ROBO2: variants seen among roughly 807,000 people sequenced by gnomAD.
ROBO2 encodes roundabout guidance receptor 2, also known as roundabout homolog 2.
Under a neutral mutation model 160.8 loss-of-function variants are expected in ROBO2, and 53 were observed. The ratio of observed to expected loss-of-function variants is 0.33; its 90% CI spans 0.26 to 0.41. ROBO2 has a LOEUF of 0.41. Among genes scored for constraint, ROBO2 ranks in the 10% least tolerant of loss-of-function variants. The pLI is 1.00. For missense variants in ROBO2, 1,577 were observed against 1,722.4 expected, an observed-to-expected ratio of 0.92 and a Z score of 1.49; for synonymous variants, 664 against 611.7, an observed-to-expected ratio of 1.09 and a Z score of -1.26.
chr3:77,302,883 C>A (rs2062782787), intron 2 of ROBO2, among the ~76,000 whole-genome samples: 1 of 152,076 alleles, frequency 6.6e-6, no homozygotes, highest in Admixed American at 6.6e-5. Context: ...GTCTCAGATG[C>A]CTTTAAATCC....
intron 1 of ROBO2, among the ~76,000 whole-genome samples, chr3:77,080,814 A>T (rs1163252171): frequency 1.3e-5 from 2 of 152,208 alleles, no homozygotes; most frequent in Non-Finnish European, 2.9e-5. Context: ...CTTCATAAAT[A>T]TATAGTTATT....
intron 2 of ROBO2, among the ~76,000 whole-genome samples, chr3:76,641,129 A>G (rs1211851842): frequency 6.6e-6 from 1 of 152,214 alleles, no homozygotes; most frequent in Middle Eastern, 3.2e-3. Flanking sequence ...ATACTAATCA[A>G]TGATAAAATC....
At chr3:76,478,471 G>A (rs996098487) in intron 2 of ROBO2, among the ~76,000 whole-genome samples, 1 of 151,662 alleles carries the variant, frequency 6.6e-6, no homozygotes, top group Non-Finnish European at 1.5e-5. Flanking sequence ...GGGAAAACTG[G>A]CTAGCCATAC....
chr3:76,504,979 T>C (rs922995769), intron 2 of ROBO2, among the ~76,000 whole-genome samples: 1 of 152,190 alleles, frequency 6.6e-6, no homozygotes, highest in Admixed American at 6.5e-5. Flanking sequence ...ACATTTATTA[T>C]GTTTGCTGTT....
chr3:76,024,640 AT>A lies in ROBO2; in HGVS notation c.109+87042del, dbSNP rs1559843605. ...AACAAATAAAAATTACATAGATTCT[AT>A]TTTCTTTGCAGTTTAAAAATGAATT... On this transcript the variant is annotated intron_variant, in intron 2 of 26. Transcript: ENST00000487694. Among the ~76,000 whole-genome samples the A allele has an allele frequency of 4.6e-5, 7 of 151,582 alleles. No individual in the cohort carries two copies. In the South Asian group the frequency reaches 1.4e-3, roughly 31 times the overall value.
chr3:77,205,016 T>A (rs1320647151), intron 2 of ROBO2, among the ~76,000 whole-genome samples: 2 of 152,140 alleles, frequency 1.3e-5, no homozygotes, highest in Non-Finnish European at 2.9e-5. Context: ...GCGGGGCAAG[T>A]GCTCTGGGCT....
At chr3:76,346,652 GAC>G (rs1177806790) in intron 2 of ROBO2, among the ~76,000 whole-genome samples, 1 of 151,984 alleles carries the variant, frequency 6.6e-6, no homozygotes, top group Non-Finnish European at 1.5e-5. Context: ...ATGTTTCACA[GAC>G]ACACATTCAT....
upstream of ROBO2, among the ~76,000 whole-genome samples, chr3:77,036,569 C>A (rs2063649801): frequency 6.6e-6 from 1 of 151,914 alleles, no homozygotes; most frequent in Non-Finnish European, 1.5e-5. Flanking sequence ...GATAACCTTA[C>A]CCAAATTAGG....
intron 2 of ROBO2, among the ~76,000 whole-genome samples, chr3:76,961,247 G>GGAAAA (rs761616869): frequency 0.026 from 1,415 of 54,348 alleles, 82 homozygotes; most frequent in African/African-American, 0.071. Context: ...GTGCCACAGA[G>GGAAAA]AAAAAAAAAA....
At chr3:76,447,347 A>T (rs1324535128) in intron 2 of ROBO2, among the ~76,000 whole-genome samples, 1 of 151,988 alleles carries the variant, frequency 6.6e-6, no homozygotes, top group African/African-American at 2.4e-5. Context: ...ATGAGATACC[A>T]TCTCACACCC....
In ROBO2 at chr3:76,654,002, A is replaced by T. The variant is rs142808320; in HGVS notation, c.110-444012A>T. Among the ~76,000 whole-genome samples, 7 of 152,314 alleles carry T rather than the reference A, an allele frequency of 4.6e-5. No homozygotes were observed. The East Asian group carries it at 1.4e-3, about 29-fold the overall frequency. ...CCAAACTGAGGTGTTAAAAAGTGAT[A>T]CTGCTTAAGTACTGATGGAAGTGAG... On this transcript the variant is annotated intron_variant, in intron 2 of 26. Coordinates refer to the ROBO2 transcript ENST00000487694.
At chr3:76,451,208 A>G (rs1357820392) in intron 2 of ROBO2, among the ~76,000 whole-genome samples, 2 of 152,188 alleles carry the variant, frequency 1.3e-5, no homozygotes, top group East Asian at 1.9e-4. Flanking sequence ...CAGTTGCAAG[A>G]CAAGATGAGA....
At chr3:77,073,144 C>T (rs2067592593) in intron 1 of ROBO2, among the ~76,000 whole-genome samples, 1 of 151,988 alleles carries the variant, frequency 6.6e-6, no homozygotes, top group Non-Finnish European at 1.5e-5. Flanking sequence ...GTATTTAATC[C>T]AAAGGGGGCT....
chr3:77,278,051 C>A (rs1448691183), intron 2 of ROBO2, among the ~76,000 whole-genome samples: 1 of 152,094 alleles, frequency 6.6e-6, no homozygotes, highest in African/African-American at 2.4e-5. Flanking sequence ...CAAGGAAATG[C>A]AGTTTTCTTT....
chr3:76,469,211 A>G (rs2078520589), intron 2 of ROBO2, among the ~76,000 whole-genome samples: 1 of 152,070 alleles, frequency 6.6e-6, no homozygotes, highest in Non-Finnish European at 1.5e-5. Context: ...GAAGATGACA[A>G]TGACGATAAT....
At chr3:77,613,986 G>C (rs1290083090) in intron 21 of ROBO2, among the ~76,000 whole-genome samples, 1 of 152,116 alleles carries the variant, frequency 6.6e-6, no homozygotes, top group Non-Finnish European at 1.5e-5. Flanking sequence ...AAATAAGTTG[G>C]TTCTTATAAA....
At chr3:76,912,740 T>C (rs1399899361) in intron 2 of ROBO2, among the ~76,000 whole-genome samples, 1 of 152,192 alleles carries the variant, frequency 6.6e-6, no homozygotes, top group African/African-American at 2.4e-5. Context: ...TCCGTTTCAC[T>C]AAACTTAACG....
chr3:76,651,085 G>T (rs907471911), intron 2 of ROBO2, among the ~76,000 whole-genome samples: 2 of 152,150 alleles, frequency 1.3e-5, no homozygotes, highest in African/African-American at 4.8e-5. Context: ...GCAAGGAAGA[G>T]GAGGGGTTGA....
chr3:76,943,797 A>T (rs1437667333), intron 2 of ROBO2, among the ~76,000 whole-genome samples: 1 of 152,132 alleles, frequency 6.6e-6, no homozygotes, highest in Non-Finnish European at 1.5e-5. Context: ...ACTTTGTCTT[A>T]CTGCGTGCCA....
Sources: gnomAD v4.1 joint callset for allele counts (sites outside exome capture counted in the v4.1 genomes callset) on GRCh38, gnomAD v4.1.1 for gene constraint, MANE v1.5 for transcripts, NCBI Gene and HGNC (gene_info 2026-07-23, HGNC 2026-07-21) for gene names.